Variants in TAFA1 observed in about 807,000 individuals in gnomAD.
TAFA1 encodes chemokine-like protein TAFA-1.
In TAFA1, 4 loss-of-function variants were observed where a neutral mutation model predicts 18.5. The observed-to-expected ratio is 0.22, with a 90% CI of 0.11 to 0.49. The LOEUF is 0.49. Among genes scored for constraint, TAFA1 ranks in the 20% least tolerant of loss-of-function variants. The probability of loss-of-function intolerance (pLI) is 0.98; values close to 1 mark genes in which losing one functional copy is unlikely to be tolerated. For synonymous variants in TAFA1, 56 were observed against 55.2 expected (o/e 1.01, Z -0.06); for missense variants, 147 against 169.0 (o/e 0.87, Z 0.72).
At chr3:68,389,780 G>A (rs1489282801) in intron 2 of TAFA1, among the ~76,000 whole-genome samples, 1 of 152,104 alleles carries the variant, frequency 6.6e-6, no homozygotes, top group African/African-American at 2.4e-5. Context: ...CCCTCCCCTA[G>A]CCGAGGGAAG....
chr3:68,172,028 G>A (rs545333537), intron 2 of TAFA1, among the ~76,000 whole-genome samples: 12 of 152,128 alleles, frequency 7.9e-5, no homozygotes, highest in African/African-American at 9.6e-5. Context: ...GAGAGAAAGG[G>A]GAAGAAAGAA....
chr3:68,389,407 T>A (rs1366748241), intron 2 of TAFA1, among the ~76,000 whole-genome samples: 2 of 152,192 alleles, frequency 1.3e-5, no homozygotes, highest in East Asian at 3.8e-4. Context: ...GAATAAGGCA[T>A]TTAATATCTT....
At chr3:68,193,301 A>G (rs555223583) in intron 2 of TAFA1, among the ~76,000 whole-genome samples, 98 of 151,930 alleles carry the variant, frequency 6.5e-4, no homozygotes, top group African/African-American at 2.0e-3. Context: ...ATTTTGTAAT[A>G]AAAAGGTATT....
In TAFA1 at chr3:68,482,617, G is replaced by C. The variant is rs141082724; in HGVS notation, c.260-56139G>C. Among the ~76,000 whole-genome samples the C allele has an allele frequency of 1.2e-4, 19 of 152,256 alleles. No homozygotes were observed. The East Asian group carries it at 3.7e-3, about 29-fold the overall frequency. Reference sequence around the variant, plus strand: ...CAGCTTTCATTTCCTACTTCTCCTGGTTTAAAAGTCCTGATTTTCCTCAAG... The same window carrying C: ...CAGCTTTCATTTCCTACTTCTCCTGCTTTAAAAGTCCTGATTTTCCTCAAG... On this transcript the variant is annotated intron_variant, in intron 3 of 4. Transcript: ENST00000478136.
At chr3:68,452,366 TACA>T (rs1309976682) in intron 3 of TAFA1, among the ~76,000 whole-genome samples, 2 of 151,716 alleles carry the variant, frequency 1.3e-5, no homozygotes, top group Non-Finnish European at 2.9e-5. Flanking sequence ...CTACTAAAAA[TACA>T]ACAATTAGCT....
At chr3:68,254,251 A>G (rs1420003066) in intron 2 of TAFA1, among the ~76,000 whole-genome samples, 1 of 152,116 alleles carries the variant, frequency 6.6e-6, no homozygotes, top group Non-Finnish European at 1.5e-5. Context: ...ACATGGATAA[A>G]ACACAGAACA....
intron 3 of TAFA1, among the ~76,000 whole-genome samples, chr3:68,457,787 C>G (rs1432349107): frequency 6.6e-6 from 1 of 152,102 alleles, no homozygotes; most frequent in Non-Finnish European, 1.5e-5. Context: ...TCTTCCCAGT[C>G]CCCTCCTTCT....
At chr3:68,355,351 T>TC (rs2069341469) in intron 2 of TAFA1, among the ~76,000 whole-genome samples, 1 of 151,972 alleles carries the variant, frequency 6.6e-6, no homozygotes. Flanking sequence ...AATGGTAGCT[T>TC]CCCCACTTCA....
intron 2 of TAFA1, among the ~76,000 whole-genome samples, chr3:68,291,283 A>C (rs1231208902): frequency 6.6e-6 from 1 of 152,180 alleles, no homozygotes; most frequent in East Asian, 1.9e-4. Flanking sequence ...TCTAGGCCCA[A>C]ACACAATTGG....
chr3:68,286,622 T>C (rs530246362), intron 2 of TAFA1, among the ~76,000 whole-genome samples: 1 of 152,284 alleles, frequency 6.6e-6, no homozygotes, highest in African/African-American at 2.4e-5. Flanking sequence ...AAAAACCATC[T>C]CTTGAATTTC....
At chr3:68,170,897 C>T (rs1401210797) in intron 2 of TAFA1, among the ~76,000 whole-genome samples, 1 of 151,932 alleles carries the variant, frequency 6.6e-6, no homozygotes, top group Non-Finnish European at 1.5e-5. Flanking sequence ...TACACACACA[C>T]AAATATATAC....
intron 2 of TAFA1, among the ~76,000 whole-genome samples, chr3:68,161,321 C>T (rs1369393775): frequency 3.3e-5 from 5 of 152,090 alleles, no homozygotes; most frequent in Non-Finnish European, 4.4e-5. Context: ...TCCATTTCTA[C>T]CACTGGATTT....
chr3:67,999,278 CCCCT>C (rs1185248190), upstream of TAFA1, among the ~76,000 whole-genome samples: 4 of 61,850 alleles, frequency 6.5e-5, no homozygotes, highest in Admixed American at 1.8e-4. Context: ...CCCCCCCCCC[CCCCT>C]CTCTCTGTGT....
intron 2 of TAFA1, among the ~76,000 whole-genome samples, chr3:68,134,697 C>T (rs555917098): frequency 3.1e-4 from 47 of 152,194 alleles, no homozygotes; most frequent in Non-Finnish European, 5.3e-4. Flanking sequence ...AAATACCTAT[C>T]GACTCCATGC....
intron 2 of TAFA1, among the ~76,000 whole-genome samples, chr3:68,316,874 A>G (rs113102858): frequency 3.0e-3 from 464 of 152,342 alleles, no homozygotes; most frequent in African/African-American, 0.01. Flanking sequence ...TAGAGACAGC[A>G]TAATGAATAA....
At chr3:68,240,816 T>A (rs1235452162) in intron 2 of TAFA1, among the ~76,000 whole-genome samples, 1 of 152,172 alleles carries the variant, frequency 6.6e-6, no homozygotes, top group Non-Finnish European at 1.5e-5. Context: ...CTTTACTGAT[T>A]TGTACTGTCA....
chr3:68,067,094 T>C (rs180743395), intron 2 of TAFA1, among the ~76,000 whole-genome samples: 1 of 152,344 alleles, frequency 6.6e-6, no homozygotes, highest in Non-Finnish European at 1.5e-5. Context: ...AGGCTCTAAC[T>C]GTGTCCATAA....
intron 2 of TAFA1, among the ~76,000 whole-genome samples, chr3:68,298,707 TC>T (rs931088239): frequency 6.6e-6 from 1 of 152,198 alleles, no homozygotes; most frequent in African/African-American, 2.4e-5. Context: ...CAGTATTCAT[TC>T]TCCTTCCTGC....
intron 2 of TAFA1, among the ~76,000 whole-genome samples, chr3:68,060,078 A>AAC (rs1553708071): frequency 2.6e-5 from 4 of 151,906 alleles, no homozygotes; most frequent in East Asian, 1.9e-4. Context: ...GGAAAAAAAA[A>AAC]ACACACACAC....
Sources: allele counts gnomAD v4.1 joint callset (sites outside exome capture counted in the v4.1 genomes callset), GRCh38; gene constraint gnomAD v4.1.1; transcripts MANE v1.5; gene names NCBI Gene and HGNC (gene_info 2026-07-23, HGNC 2026-07-21).